Variants in NCALD observed in about 807,000 individuals in gnomAD.
The protein encoded by NCALD is neurocalcin-delta.
A neutral mutation model predicts 18.6 loss-of-function variants in NCALD; 10 were observed. The observed-to-expected ratio is 0.54, with a 90% CI of 0.33 to 0.91. NCALD has a LOEUF of 0.91. Among genes scored for constraint, NCALD ranks in the 40% least tolerant of loss-of-function variants. The pLI is 0.03. For missense variants in NCALD, 184 were observed against 247.6 expected (o/e 0.74, Z 1.72); for synonymous variants, 88 against 87.4 (o/e 1.01, Z -0.04).
chr8:101,834,572 C>A (rs1189115961), intron 4 of NCALD, among the ~76,000 whole-genome samples: 1 of 152,228 alleles, frequency 6.6e-6, no homozygotes, highest in African/African-American at 2.4e-5. Flanking sequence ...TTTTTGGGCT[C>A]TCCCTGTTCT....
At position 101,856,999 on chromosome 8, in the gene NCALD, T is replaced by C. The variant is rs535499634; in HGVS notation, c.-20+30142A>G. Among the ~76,000 whole-genome samples the C allele has an allele frequency of 3.3e-5, 5 of 152,224 alleles. No individual in the cohort carries two copies. In the South Asian group the frequency reaches 8.3e-4, roughly 25 times the overall value. On this transcript the variant is annotated intron_variant, in intron 4 of 6. Coordinates refer to the NCALD transcript ENST00000311028. ...ACTCACAGCACTTCACTAATACCTC[T>C]AGTGTATTATATATGTGACTCTCTT...
intron 1 of NCALD, among the ~76,000 whole-genome samples, chr8:101,720,540 T>C (rs79704065): frequency 0.056 from 8,550 of 152,288 alleles, 353 homozygotes; most frequent in Non-Finnish European, 0.079. Context: ...ATGCTGTTAA[T>C]ATATGTTTCC....
At chr8:101,901,605 T>A (rs1817425400) in intron 3 of NCALD, among the ~76,000 whole-genome samples, 1 of 152,156 alleles carries the variant, frequency 6.6e-6, no homozygotes, top group South Asian at 2.1e-4. Flanking sequence ...AATTCTTACC[T>A]CCCTTTACAT....
At chr8:102,095,410 C>T (rs1825059496) in intron 1 of NCALD, among the ~76,000 whole-genome samples, 1 of 152,038 alleles carries the variant, frequency 6.6e-6, no homozygotes, top group African/African-American at 2.4e-5. Flanking sequence ...TCATTTTTTT[C>T]CAATTGCCCA....
At chr8:101,741,346 T>C (rs1361629384) in intron 1 of NCALD, among the ~76,000 whole-genome samples, 2 of 152,322 alleles carry the variant, frequency 1.3e-5, no homozygotes, top group East Asian at 3.9e-4. Context: ...TTAGTACACA[T>C]AGCTCAGCAG....
At chr8:102,103,098 G>A (rs975985003) in intron 1 of NCALD, among the ~76,000 whole-genome samples, 3 of 152,060 alleles carry the variant, frequency 2.0e-5, no homozygotes, top group African/African-American at 7.2e-5. Flanking sequence ...GATGAGTAAG[G>A]GGAGACTCTG....
intron 1 of NCALD, among the ~76,000 whole-genome samples, chr8:102,068,234 C>T (rs906569518): frequency 6.6e-6 from 1 of 152,080 alleles, no homozygotes; most frequent in Non-Finnish European, 1.5e-5. Context: ...GGAGATCTCG[C>T]GCTCCCCCAC....
At chr8:101,980,771 C>G (rs1820591160) in intron 2 of NCALD, among the ~76,000 whole-genome samples, 1 of 152,140 alleles carries the variant, frequency 6.6e-6, no homozygotes, top group African/African-American at 2.4e-5. Flanking sequence ...GCAGGTTACC[C>G]ATGAAAGCAG....
chr8:101,739,423 T>G (rs1810089482), intron 1 of NCALD, among the ~76,000 whole-genome samples: 1 of 152,248 alleles, frequency 6.6e-6, no homozygotes, highest in Non-Finnish European at 1.5e-5. Context: ...TCAACTTGAT[T>G]GGATTGAAGG....
intron 2 of NCALD, among the ~76,000 whole-genome samples, chr8:102,001,667 CA>C (rs1361880575): frequency 6.6e-6 from 1 of 152,328 alleles, no homozygotes; most frequent in African/African-American, 2.4e-5. Flanking sequence ...ATCAGACTAA[CA>C]GCTGATCTCT....
intron 1 of NCALD, among the ~76,000 whole-genome samples, chr8:102,118,219 A>G (rs1825846492): frequency 1.3e-5 from 2 of 152,164 alleles, no homozygotes; most frequent in Middle Eastern, 3.2e-3. Flanking sequence ...CCAGGCCACA[A>G]TGGGCAGTAG....
intron 2 of NCALD, among the ~76,000 whole-genome samples, chr8:101,715,919 A>AAGGATCT (rs1227491125): frequency 1.3e-5 from 2 of 152,240 alleles, no homozygotes; most frequent in Non-Finnish European, 2.9e-5. Flanking sequence ...GCGATTCCTC[A>AAGGATCT]AGGATCTAGA....
At chr8:101,962,049 T>C (rs775083661) in intron 2 of NCALD, among the ~76,000 whole-genome samples, 11 of 152,100 alleles carry the variant, frequency 7.2e-5, no homozygotes, top group Non-Finnish European at 2.9e-5. Flanking sequence ...CTAAAAACAC[T>C]ATTAAAGCAA....
chr8:102,076,188 G>A (rs967027359), intron 1 of NCALD, among the ~76,000 whole-genome samples: 10 of 151,944 alleles, frequency 6.6e-5, no homozygotes, highest in African/African-American at 1.5e-4. Context: ...AACATGAAAC[G>A]TGTTTATTAA....
intron 4 of NCALD, among the ~76,000 whole-genome samples, chr8:101,799,796 T>C (rs1812773697): frequency 6.6e-6 from 1 of 152,194 alleles, no homozygotes; most frequent in Non-Finnish European, 1.5e-5. Context: ...GAAAGTACGC[T>C]GGCTATAAAG....
chr8:102,070,999 C>T (rs946777588), intron 1 of NCALD, among the ~76,000 whole-genome samples: 2 of 152,128 alleles, frequency 1.3e-5, no homozygotes, highest in Non-Finnish European at 2.9e-5. Context: ...ATTGAAAATG[C>T]AGATTTTTTT....
At chr8:101,967,958 C>A (rs746511910) in intron 2 of NCALD, among the ~76,000 whole-genome samples, 1 of 152,118 alleles carries the variant, frequency 6.6e-6, no homozygotes, top group Admixed American at 6.5e-5. Flanking sequence ...CCTCTGACAA[C>A]CCCAGTGTAG....
intron 4 of NCALD, among the ~76,000 whole-genome samples, chr8:101,821,566 C>T (rs1039217561): frequency 6.6e-5 from 10 of 152,146 alleles, no homozygotes; most frequent in Non-Finnish European, 1.5e-4. Flanking sequence ...AATAGCTACA[C>T]ATTTGTTGAG....
At chr8:101,901,009 CT>C (rs1817400675) in intron 3 of NCALD, among the ~76,000 whole-genome samples, 1 of 151,732 alleles carries the variant, frequency 6.6e-6, no homozygotes, top group African/African-American at 2.4e-5. Context: ...TTGCAGTTCA[CT>C]TTTTTGGGTA....
Sources: gnomAD v4.1 joint callset for allele counts (sites outside exome capture counted in the v4.1 genomes callset) on GRCh38, gnomAD v4.1.1 for gene constraint, MANE v1.5 for transcripts, NCBI Gene and HGNC (gene_info 2026-07-23, HGNC 2026-07-21) for gene names.